The following CAMTA2 variants were observed in gnomAD, a reference collection of about 807,000 sequenced individuals.
CAMTA2 encodes the protein calmodulin binding transcription activator 2.
CAMTA2 carries 56 observed loss-of-function variants against 135.7 expected under a neutral mutation model. The observed-to-expected ratio is 0.41, with a 90% CI of 0.33 to 0.52. The LOEUF (loss-of-function observed/expected upper bound fraction) is 0.52, where lower values mean the gene tolerates loss of function less well. Among genes scored for constraint, CAMTA2 ranks in the 20% least tolerant of loss-of-function variants. CAMTA2 has a pLI of 0.16. For synonymous variants in CAMTA2, 591 were observed against 604.6 expected, an observed-to-expected ratio of 0.98 and a Z score of 0.33; for missense variants, 1,358 against 1,553.4, an observed-to-expected ratio of 0.87 and a Z score of 2.11.
intron 1 of CAMTA2, 140 bp downstream of exon 1, chr17:4,987,453 G>C: frequency 7.2e-7 from 1 of 1,385,314 alleles, no homozygotes. Flanking sequence ...TGGCGCGGGG[G>C]AGGAGGACGG....
At chr17:4,970,296 A>G (rs1340833054) in intron 17 of CAMTA2, 44 bp downstream of exon 17, 4 of 1,599,656 alleles carry the variant, frequency 2.5e-6, no homozygotes, top group East Asian at 2.2e-5. Flanking sequence ...CCTTCCTCCC[A>G]TCTTCCTTTG....
rs1972050359 is a variant in CAMTA2 at position 4,968,591 on chromosome 17, G to C, written c.*165C>G. The C allele has an allele frequency of 2.9e-6, 2 of 700,820 alleles. No homozygotes were observed. Among genetic ancestry groups the C allele is most frequent in the Admixed American group, 2.4e-5 (1 of 41,152 alleles). 43.4% of individuals were successfully genotyped at this position (700,820 alleles called of 1,614,324 possible). On this transcript the variant is annotated 3_prime_UTR_variant, in exon 23 of 23. Coordinates refer to ENST00000348066, the MANE Select transcript of CAMTA2 (RefSeq NM_015099.4). Reference sequence around the variant, plus strand: ...GGCACGACCAGGAGGGACGAGGAGAGGGGTGTGGGAGCAAGGCGTGGGGAG... The same window carrying C: ...GGCACGACCAGGAGGGACGAGGAGACGGGTGTGGGAGCAAGGCGTGGGGAG...
intron 1 of CAMTA2, chr17:4,986,920 C>T (rs1973372822): frequency 1.3e-6 from 2 of 1,502,112 alleles, no homozygotes. Context: ...TCCCCAAACG[C>T]CTCTGCCTCC....
chr17:4,981,404 G>A, intron 7 of CAMTA2, 45 bp from the exon 8 acceptor site: 5 of 1,603,768 alleles, frequency 3.1e-6, no homozygotes, highest in Middle Eastern at 1.7e-4. Context: ...CACGAAACAG[G>A]CCCCAGAGTA....
In CAMTA2 at chr17:4,974,489, G is replaced by A. The variant is rs781315345; in HGVS notation, c.1912C>T (p.Arg638Trp). ...TCCAGTCGCTCTAGTATGGACATCC[G>A]GAACTGGTTGTCTGAGGGGGAACGG... ...DWLSLDDNQFRMSILERLEQM... is the reference protein window; with the variant it reads ...DWLSLDDNQFWMSILERLEQM... The change falls in exon 12 of 23, where the codon CGG becomes TGG. Residue 638 changes from arginine (R) to tryptophan (W), a missense_variant. Physicochemically the swap from Arg to Trp is moderately radical, Grantham distance 101. Transcript: ENST00000348066. The A allele has an allele frequency of 9.9e-6, 16 of 1,611,694 alleles. No individual in the cohort carries two copies. The highest frequency in any genetic ancestry group is 5.0e-5 in the Admixed American group (3 of 59,992).
At chr17:4,973,331 A>G (rs1972421587) in intron 13 of CAMTA2, 78 bp from the exon 14 acceptor site, 1 of 1,189,966 alleles carries the variant, frequency 8.4e-7, no homozygotes, top group Admixed American at 1.7e-5. Context: ...AAGTAAAGGC[A>G]CTAGGAGGCA....
Position 4,979,737 on chromosome 17 carries a change from A to T in CAMTA2, c.1585T>A (p.Ser529Thr). 6.2e-7 allele frequency: 1 copy of T among 1,614,038 alleles called. No homozygotes were observed. Among genetic ancestry groups the T allele is most frequent in the Non-Finnish European group, 8.5e-7 (1 of 1,179,970 alleles). ...PSIPAPTPQL[S>T]PALSTITDFS... ...TCTGTGATGGTGCTAAGAGCAGGAG[A>T]CAGCTGGGGGGTCGGAGCAGGGATG... The change falls in exon 9 of 23, where the codon TCT (serine) becomes ACT (threonine). Residue 529 changes from serine to threonine, a missense_variant. This residue lies in a region of CAMTA2 where 1,077 missense variants were observed against 1,127.5 expected (regional missense o/e 0.96). Transcript: ENST00000348066.
At chr17:4,981,600 G>A (rs1442194222) in intron 7 of CAMTA2, 78 bp downstream of exon 7, 3 of 1,475,056 alleles carry the variant, frequency 2.0e-6, no homozygotes, top group Non-Finnish European at 2.7e-6. Flanking sequence ...CTCAGGCTTT[G>A]GGTCCAGAAC....
At chr17:4,978,360 G>A (rs1972747799) in intron 10 of CAMTA2, 144 bp downstream of exon 10, 5 of 790,882 alleles carry the variant, frequency 6.3e-6, no homozygotes, top group Non-Finnish European at 7.8e-6. Flanking sequence ...GGAGAGCTTG[G>A]GGCTCAACCT....
At chr17:4,986,509 A>C in intron 1 of CAMTA2, 1 of 534,164 alleles carries the variant, frequency 1.9e-6, no homozygotes, top group Non-Finnish European at 3.3e-6. Context: ...GCAGGAAGAA[A>C]TGGGTTGGGG....
chr17:4,972,579 C>T (rs1972364248), intron 15 of CAMTA2, 43 bp from the exon 16 acceptor site: 2 of 1,572,602 alleles, frequency 1.3e-6, no homozygotes, highest in African/African-American at 1.3e-5. Context: ...GGAGCCACGG[C>T]CATCCCTCGC....
At chr17:4,987,546 C>T (rs1034076691) in intron 1 of CAMTA2, 47 bp downstream of exon 1, 2 of 1,491,990 alleles carry the variant, frequency 1.3e-6, no homozygotes, top group East Asian at 2.7e-5. Context: ...GGAGCTGCGC[C>T]CTCTGGCGCG....
At chr17:4,986,561 G>C (rs746129205) in intron 1 of CAMTA2, 2 of 516,400 alleles carry the variant, frequency 3.9e-6, no homozygotes, top group South Asian at 4.9e-5. Flanking sequence ...GGGCCTCAGA[G>C]GCCCTAAACC....
rs774517550 is a variant in CAMTA2, at chr17:4,980,635, G to A, written c.701-14C>T. The A allele has an allele frequency of 2.5e-6, 4 of 1,602,924 alleles. No homozygotes were observed. Among genetic ancestry groups the A allele is most frequent in the Admixed American group, 1.7e-5 (1 of 59,830 alleles). On this transcript the variant is annotated splice_polypyrimidine_tract_variant and intron_variant, in intron 8 of 22. Coordinates refer to ENST00000348066, the MANE Select transcript of CAMTA2 (RefSeq NM_015099.4). This position sits in a 1 kb window ranked among gnomAD's most constrained non-coding sequence, Gnocchi z 5.3. ...GGCTCCCAGAACCTGGAGTGGAGAGGAGTAGGAGGGAGAGGAGATAAGACA... is the reference window on the plus strand; with the variant it reads ...GGCTCCCAGAACCTGGAGTGGAGAGAAGTAGGAGGGAGAGGAGATAAGACA...
Position 4,969,840 on chromosome 17 carries a change from T to A in CAMTA2, c.3189+62A>T. ...ACGACTACTCATCCTCCAAAAGCCCTGGGAGCCCAGTCTCCCCTGACTGGA... is the reference window on the plus strand; with the variant it reads ...ACGACTACTCATCCTCCAAAAGCCCAGGGAGCCCAGTCTCCCCTGACTGGA... On this transcript the variant is annotated intron_variant, in intron 18 of 22. Coordinates refer to ENST00000348066, the MANE Select transcript of CAMTA2 (RefSeq NM_015099.4). The surrounding 1 kb of genome is among the most constrained non-coding windows in gnomAD (Gnocchi z 5.6). 6.3e-7 allele frequency: 1 copy of A among 1,595,190 alleles called. No individual in the cohort carries two copies. Among genetic ancestry groups the A allele is most frequent in the South Asian group, 1.1e-5 (1 of 90,286 alleles).
Position 4,968,554 on chromosome 17 carries a change from CAA to C in CAMTA2, c.*200_*201del. The C allele has an allele frequency of 1.6e-6, 1 of 618,512 alleles. No homozygotes were observed. Among genetic ancestry groups the C allele is most frequent in the South Asian group, 1.9e-5 (1 of 51,858 alleles). The allele number at this position is 618,512 out of a possible 1,614,324, so 38.3% of individuals were successfully genotyped here. ...GGCGCGGGTTTTCTGGAGCCAGGACCAAAAGAGACGGGGCACGACCAGGAGGG... is the reference window on the plus strand; with the variant it reads ...GGCGCGGGTTTTCTGGAGCCAGGACCAAGAGACGGGGCACGACCAGGAGGG... On this transcript the variant is annotated 3_prime_UTR_variant, in exon 23 of 23. Transcript: ENST00000348066.
Position 4,987,636 on chromosome 17 carries a change from C to T in CAMTA2, c.-108G>A, listed in dbSNP as rs768309942. Reference sequence around the variant, plus strand: ...TGACGGCGGCAGCGGCCATTCTACCCCACACCGACCCCCCCCAGCGCCGGC... The same window carrying T: ...TGACGGCGGCAGCGGCCATTCTACCTCACACCGACCCCCCCCAGCGCCGGC... On this transcript the variant is annotated 5_prime_UTR_variant, in exon 1 of 23. Coordinates refer to ENST00000348066, the MANE Select transcript of CAMTA2 (RefSeq NM_015099.4). 6.6e-6 allele frequency: 10 copies of T among 1,524,462 alleles called. No individual in the cohort carries two copies. In the South Asian group the frequency reaches 1.2e-4, roughly 18 times the overall value. The allele number at this position is 1,524,462 out of a possible 1,614,324, so 94.4% of individuals were successfully genotyped here.
At chr17:4,979,508 CAAAAAAA>C (rs5819002) in intron 9 of CAMTA2, 169 bp downstream of exon 9, 17 of 206,104 alleles carry the variant, frequency 8.2e-5, no homozygotes, top group East Asian at 5.4e-4. Flanking sequence ...GAAACTGTCT[CAAAAAAA>C]AAAAAAAAAA....
chr17:4,987,646 C>CA lies in CAMTA2; in HGVS notation c.-119_-118insT. The stretch of plus-strand genomic sequence containing the variant: ...AGCGGCCATTCTACCCCACACCGAC[C>CA]CCCCCCAGCGCCGGCTGACAGCGGC... On this transcript the variant is annotated 5_prime_UTR_variant, in exon 1 of 23. Coordinates refer to ENST00000348066, the MANE Select transcript of CAMTA2 (RefSeq NM_015099.4). 6.6e-7 allele frequency: 1 copy of CA among 1,522,274 alleles called. No individual in the cohort carries two copies. Among genetic ancestry groups the CA allele is most frequent in the Non-Finnish European group, 8.8e-7 (1 of 1,139,914 alleles). 94.3% of individuals were successfully genotyped at this position (1,522,274 alleles called of 1,614,324 possible).
Sources: gnomAD v4.1 joint callset for allele counts on GRCh38, gnomAD v4.1.1 for gene constraint, gnomAD v4.1.1 regional missense constraint, Gnocchi (gnomAD v3.1) non-coding constraint, MANE v1.5 for transcripts, NCBI Gene and HGNC (gene_info 2026-07-23, HGNC 2026-07-21) for gene names.